The following AZIN2 variants were observed in gnomAD, a reference collection of about 807,000 sequenced individuals.
AZIN2 encodes the protein antizyme inhibitor 2, also known as ODC antizyme inhibitor-2.
AZIN2 carries 28 observed loss-of-function variants against 47.8 expected under a neutral mutation model. The observed-to-expected ratio is 0.59, with a 90% CI of 0.43 to 0.80. The LOEUF (loss-of-function observed/expected upper bound fraction) is 0.80. AZIN2 is among the 30% of genes least tolerant of loss of function. AZIN2 has a pLI of 0.00. For synonymous variants in AZIN2, 221 were observed against 239.4 expected, an observed-to-expected ratio of 0.92 and a Z score of 0.71; for missense variants, 535 against 582.5, an observed-to-expected ratio of 0.92 and a Z score of 0.84.
the AZIN2 span, among the ~76,000 whole-genome samples, chr1:33,161,045 G>A: frequency 6.6e-6 from 1 of 152,258 alleles, no homozygotes; most frequent in Non-Finnish European, 1.5e-5. The surrounding 1 kb of genome is among the most constrained non-coding windows in gnomAD (Gnocchi z 4.3). Flanking sequence ...GGCAACGTCA[G>A]TTGCCTAAGA....
At chr1:33,147,708 C>T in the AZIN2 span, 1 of 1,612,540 alleles carries the variant, frequency 6.2e-7, no homozygotes, top group Non-Finnish European at 8.5e-7. The surrounding 1 kb of genome is among the most constrained non-coding windows in gnomAD (Gnocchi z 8.1). Flanking sequence ...TGCCCGGGTC[C>T]AGGGTTAGGG....
chr1:33,164,172 C>T, the AZIN2 span: 3 of 152,204 alleles, frequency 2.0e-5, no homozygotes, highest in African/African-American at 7.2e-5. Flanking sequence ...CCCCGAGGGT[C>T]CTGCCCAGAG....
intron 6 of AZIN2, among the ~76,000 whole-genome samples, chr1:33,092,687 A>G (rs1244835963): frequency 6.6e-6 from 1 of 152,156 alleles, no homozygotes; most frequent in Non-Finnish European, 1.5e-5. Flanking sequence ...AGCATGGGAC[A>G]TTCAAGCGTA....
chr1:33,086,200 A>G (rs1227282177), intron 5 of AZIN2, among the ~76,000 whole-genome samples: 1 of 152,166 alleles, frequency 6.6e-6, no homozygotes, highest in Non-Finnish European at 1.5e-5. Context: ...TTCTCACAAC[A>G]GCCCTGTGAG....
chr1:33,152,502 G>T, the AZIN2 span, among the ~76,000 whole-genome samples: 1 of 151,750 alleles, frequency 6.6e-6, no homozygotes, highest in East Asian at 1.9e-4. Context: ...GGGAGGCGGA[G>T]GTTGTGGTGA....
chr1:33,099,976 T>C (rs1174744209), intron 10 of AZIN2, among the ~76,000 whole-genome samples: 1 of 152,142 alleles, frequency 6.6e-6, no homozygotes, highest in Non-Finnish European at 1.5e-5. Context: ...GCATCTTTCT[T>C]TGCATACCTG....
the AZIN2 span, among the ~76,000 whole-genome samples, chr1:33,154,341 AC>A: frequency 6.6e-6 from 1 of 152,126 alleles, no homozygotes; most frequent in East Asian, 1.9e-4. Flanking sequence ...CTCAGCTGCC[AC>A]CTGCTCCATG....
intron 5 of AZIN2, among the ~76,000 whole-genome samples, chr1:33,088,409 G>A (rs1177371751): frequency 6.6e-6 from 1 of 152,202 alleles, no homozygotes; most frequent in Non-Finnish European, 1.5e-5. Flanking sequence ...CCCCCAGGGC[G>A]ATGGTGATAG....
At chr1:33,145,285 A>T in the AZIN2 span, 1 of 152,540 alleles carries the variant, frequency 6.6e-6, no homozygotes, top group African/African-American at 2.4e-5. Flanking sequence ...TAAAATGAGC[A>T]TAATACCATT....
chr1:33,123,954 CCACT>C (rs1557736974), downstream of AZIN2, among the ~76,000 whole-genome samples: 1 of 151,868 alleles, frequency 6.6e-6, no homozygotes, highest in Non-Finnish European at 1.5e-5. Context: ...TGAGATCACA[CCACT>C]ACACTCCAGC....
chr1:33,153,939 C>T, the AZIN2 span, among the ~76,000 whole-genome samples: 1 of 152,216 alleles, frequency 6.6e-6, no homozygotes, highest in Admixed American at 6.5e-5. Context: ...GACAGCCACA[C>T]AGACAATGAC....
At chr1:33,116,367 C>T (rs939107234) in intron 10 of AZIN2, among the ~76,000 whole-genome samples, 1 of 152,206 alleles carries the variant, frequency 6.6e-6, no homozygotes, top group Non-Finnish European at 1.5e-5. Context: ...CTCAATTTTA[C>T]TCATTCCTGC....
the AZIN2 span, among the ~76,000 whole-genome samples, chr1:33,130,008 A>G: frequency 1.3e-5 from 2 of 152,014 alleles, no homozygotes; most frequent in Non-Finnish European, 2.9e-5. Flanking sequence ...TACAGGCATG[A>G]GCCACCATGC....
In AZIN2 at chr1:33,084,113, A is replaced by T. The variant is rs1432000821; in HGVS notation, c.265A>T (p.Ser89Cys). Residue 89 changes from serine to cysteine, a missense_variant, in exon 5 of 12, where the codon AGC (serine) becomes TGC (cysteine). Physicochemically the swap from Ser to Cys is moderately radical, Grantham distance 112. Coordinates refer to ENST00000294517, the MANE Select transcript of AZIN2 (RefSeq NM_052998.4). Reference sequence around the variant, plus strand: ...TCTGGCCCAGCTGGGGCTGGGCTTTAGCTGTGCCAACAAGGTGAGCCCTGC... The same window carrying T: ...TCTGGCCCAGCTGGGGCTGGGCTTTTGCTGTGCCAACAAGGTGAGCCCTGC... ...KVLAQLGLGF[S>C]CANKAEMELV... 2.5e-6 allele frequency: 4 copies of T among 1,611,152 alleles called. No individual in the cohort carries two copies. The highest frequency in any genetic ancestry group is 3.4e-6 in the Non-Finnish European group (4 of 1,180,010).
the AZIN2 span, among the ~76,000 whole-genome samples, chr1:33,129,532 T>C: frequency 6.6e-6 from 1 of 152,238 alleles, no homozygotes; most frequent in South Asian, 2.1e-4. This position sits in a 1 kb window ranked among gnomAD's most constrained non-coding sequence, Gnocchi z 4.1. Flanking sequence ...CATATATGTT[T>C]ACGCATTGTG....
the AZIN2 span, among the ~76,000 whole-genome samples, chr1:33,156,425 C>T: frequency 6.6e-6 from 1 of 152,202 alleles, no homozygotes; most frequent in East Asian, 1.9e-4. Flanking sequence ...CTGGGTTCTC[C>T]CATGCTTGGC....
intron 10 of AZIN2, chr1:33,101,721 C>T: frequency 1.6e-6 from 1 of 635,010 alleles, no homozygotes; most frequent in Non-Finnish European, 2.9e-6. Flanking sequence ...TTTATCACAT[C>T]TAAATCTATT....
intron 7 of AZIN2, 36 bp downstream of exon 7, chr1:33,093,452 C>T: frequency 6.2e-7 from 1 of 1,604,384 alleles, no homozygotes; most frequent in Non-Finnish European, 8.5e-7. Flanking sequence ...CCCTCCCACA[C>T]CAGGCTCCCT....
At chr1:33,137,164 A>T in the AZIN2 span, among the ~76,000 whole-genome samples, 1 of 152,052 alleles carries the variant, frequency 6.6e-6, no homozygotes, top group African/African-American at 2.4e-5. Context: ...TAACTGTAGC[A>T]AGGGAAGAAT....
Sources: gnomAD v4.1 joint callset for allele counts (sites outside exome capture counted in the v4.1 genomes callset) on GRCh38, gnomAD v4.1.1 for gene constraint, Gnocchi (gnomAD v3.1) non-coding constraint, MANE v1.5 for transcripts, NCBI Gene and HGNC (gene_info 2026-07-23, HGNC 2026-07-21) for gene names.